AMMECR1: variants seen among roughly 807,000 people sequenced by gnomAD.
AMMECR1 encodes nuclear protein AMMECR1.
In AMMECR1, 3 loss-of-function variants were observed where a neutral mutation model predicts 22.5. The ratio of observed to expected loss-of-function variants is 0.13; its 90% CI spans 0.06 to 0.35. The LOEUF is 0.35. AMMECR1 is among the 10% of genes least tolerant of loss of function. AMMECR1 has a pLI of 1.00. For missense variants in AMMECR1, 235 were observed against 278.7 expected, an observed-to-expected ratio of 0.84 and a Z score of 1.12; for synonymous variants, 130 against 116.7, an observed-to-expected ratio of 1.11 and a Z score of -0.74.
At chrX:110,303,076 G>T (rs776377771) in intron 1 of AMMECR1, among the ~76,000 whole-genome samples, 2 of 111,058 alleles carry the variant, frequency 1.8e-5, no homozygotes, top group Non-Finnish European at 3.8e-5. Context: ...GTTAATGAAG[G>T]GTTATTATGA....
At chrX:110,328,026 A>T (rs1238979602) in intron 2 of AMMECR1, among the ~76,000 whole-genome samples, 2 of 112,052 alleles carry the variant, frequency 1.8e-5, no homozygotes, top group Non-Finnish European at 3.8e-5. Context: ...AGAAATAGTT[A>T]AAAGGTAAAG....
At chrX:110,284,599 T>G (rs2067869685) in intron 1 of AMMECR1, among the ~76,000 whole-genome samples, 1 of 112,221 alleles carries the variant, frequency 8.9e-6, no homozygotes, top group Admixed American at 9.4e-5. Flanking sequence ...ACAGGCACAA[T>G]TCCTTAGCAT....
At chrX:110,304,776 G>A (rs938133981) in intron 1 of AMMECR1, among the ~76,000 whole-genome samples, 1 of 111,976 alleles carries the variant, frequency 8.9e-6, no homozygotes, top group Non-Finnish European at 1.9e-5. Context: ...GCTTGTTATA[G>A]CTAGTCTCCT....
At chrX:110,308,996 CAA>C (rs1159692204) in intron 1 of AMMECR1, among the ~76,000 whole-genome samples, 2 of 111,942 alleles carry the variant, frequency 1.8e-5, no homozygotes, top group African/African-American at 6.5e-5. Context: ...AAAATCAGCA[CAA>C]AGTGTTTGCC....
Position 110,214,732 on chromosome X carries a change from G to T in AMMECR1, c.699+1786C>A, listed in dbSNP as rs756166649. On this transcript the variant is annotated intron_variant, in intron 3 of 5. Coordinates refer to ENST00000262844, the MANE Select transcript of AMMECR1 (RefSeq NM_015365.3). ...TGACACACACACATGCACACACACA[G>T]AAACACACATGCCAGAACTGTACTT... Among the ~76,000 whole-genome samples the T allele has an allele frequency of 2.7e-5, 3 of 111,208 alleles. No homozygotes were observed. In the East Asian group the frequency reaches 8.4e-4, roughly 31 times the overall value.
chrX:110,205,748 A>G (rs192527502), intron 3 of AMMECR1, among the ~76,000 whole-genome samples: 2 of 111,759 alleles, frequency 1.8e-5, no homozygotes, highest in Admixed American at 1.9e-4. Context: ...CAGTTGCGAT[A>G]ATATTCTTTT....
At chrX:110,328,029 AG>A (rs2068104682) in intron 2 of AMMECR1, among the ~76,000 whole-genome samples, 2 of 112,044 alleles carry the variant, frequency 1.8e-5, no homozygotes, top group Admixed American at 1.9e-4. Flanking sequence ...AATAGTTAAA[AG>A]GTAAAGAGGA....
At chrX:110,433,672 C>G (rs1271962445) in intron 1 of AMMECR1, among the ~76,000 whole-genome samples, 3 of 111,971 alleles carry the variant, frequency 2.7e-5, no homozygotes, top group Non-Finnish European at 5.6e-5. Flanking sequence ...TTGGCTCACT[C>G]TCAATCATGA....
At chrX:110,247,879 T>C (rs894256386) in intron 2 of AMMECR1, among the ~76,000 whole-genome samples, 8 of 112,064 alleles carry the variant, frequency 7.1e-5, no homozygotes, top group Non-Finnish European at 1.3e-4. Flanking sequence ...CCAATAATAC[T>C]TGTTTCAGAC....
chrX:110,231,293 C>T (rs1235109383), intron 2 of AMMECR1, among the ~76,000 whole-genome samples: 1 of 112,218 alleles, frequency 8.9e-6, no homozygotes, highest in Non-Finnish European at 1.9e-5. Flanking sequence ...GGTCCAGTTA[C>T]CCACAAAGGG....
chrX:110,222,457 G>GA (rs1253506657), intron 2 of AMMECR1, among the ~76,000 whole-genome samples: 2 of 70,922 alleles, frequency 2.8e-5, no homozygotes, highest in Non-Finnish European at 5.2e-5. Context: ...GGGGTCGGGG[G>GA]AGGGGGGAGG....
intron 2 of AMMECR1, among the ~76,000 whole-genome samples, chrX:110,220,898 A>C (rs1030071819): frequency 8.9e-6 from 1 of 112,485 alleles, no homozygotes; most frequent in Admixed American, 9.4e-5. Flanking sequence ...AACTATGCTA[A>C]AAAGAAAAAA....
intron 2 of AMMECR1, among the ~76,000 whole-genome samples, chrX:110,341,085 A>T (rs1192223266): frequency 8.9e-6 from 1 of 112,319 alleles, no homozygotes. Context: ...TTAGTTTTTT[A>T]TGTTTTGTTT....
intron 2 of AMMECR1, among the ~76,000 whole-genome samples, chrX:110,220,356 A>T (rs2067494293): frequency 1.8e-5 from 2 of 111,871 alleles, no homozygotes; most frequent in South Asian, 7.4e-4. Flanking sequence ...ATCATTCAGC[A>T]GCACTCATTA....
chrX:110,257,449 CTA>C (rs1021193044), intron 2 of AMMECR1, among the ~76,000 whole-genome samples: 4 of 112,333 alleles, frequency 3.6e-5, no homozygotes, highest in Non-Finnish European at 7.5e-5. Flanking sequence ...TAAGAGTCCT[CTA>C]TTTCAAAGGC....
intron 1 of AMMECR1, among the ~76,000 whole-genome samples, chrX:110,432,993 G>C (rs376432557): frequency 1.1e-4 from 12 of 112,787 alleles, no homozygotes; most frequent in African/African-American, 3.9e-4. Flanking sequence ...CTTGTGTCCA[G>C]GAAGCAAGTC....
chrX:110,424,648 C>T (rs987705313), intron 2 of AMMECR1, among the ~76,000 whole-genome samples: 14 of 111,918 alleles, frequency 1.3e-4, no homozygotes, highest in Non-Finnish European at 2.3e-4. Context: ...AGCTATGGGA[C>T]GAATACACTT....
At chrX:110,289,494 G>C (rs1031316006) in intron 1 of AMMECR1, among the ~76,000 whole-genome samples, 2 of 112,135 alleles carry the variant, frequency 1.8e-5, no homozygotes, top group African/African-American at 6.5e-5. Context: ...TGCTTAGTTA[G>C]CTAGAAAAGA....
intron 1 of AMMECR1, among the ~76,000 whole-genome samples, chrX:110,306,442 T>C: frequency 8.9e-6 from 1 of 111,897 alleles, no homozygotes; most frequent in Non-Finnish European, 1.9e-5. Context: ...GCTATGCACC[T>C]CTGGTACTTT....
Sources: allele counts gnomAD v4.1 joint callset (sites outside exome capture counted in the v4.1 genomes callset), GRCh38; gene constraint gnomAD v4.1.1; transcripts MANE v1.5; gene names NCBI Gene and HGNC (gene_info 2026-07-23, HGNC 2026-07-21).